The following CSMD3 variants were observed in gnomAD, a reference collection of about 807,000 sequenced individuals.
CSMD3 encodes the protein CUB and sushi domain-containing protein 3.
A neutral mutation model predicts 435.2 loss-of-function variants in CSMD3; 177 were observed. That is an observed-to-expected ratio of 0.41 (90% confidence interval 0.36 to 0.46). The LOEUF (loss-of-function observed/expected upper bound fraction) is 0.46. CSMD3 is among the 20% of genes least tolerant of loss of function. The pLI is 0.34. For synonymous variants in CSMD3, 1,656 were observed against 1,520.5 expected (o/e 1.09, Z -2.07); for missense variants, 4,265 against 4,504.6 (o/e 0.95, Z 1.52).
At chr8:113,258,628 G>A (rs78922673) in intron 3 of CSMD3, among the ~76,000 whole-genome samples, 2,033 of 152,122 alleles carry the variant, frequency 0.013, 54 homozygotes, top group African/African-American at 0.047. Flanking sequence ...GTTTTGGACT[G>A]GGAAGAAAAA....
chr8:113,273,585 G>A (rs1239261201), intron 3 of CSMD3, among the ~76,000 whole-genome samples: 1 of 152,094 alleles, frequency 6.6e-6, no homozygotes, highest in Non-Finnish European at 1.5e-5. Flanking sequence ...ATCAGACTGA[G>A]AAAACATACT....
intron 13 of CSMD3, among the ~76,000 whole-genome samples, chr8:112,702,859 G>A (rs1235858727): frequency 6.6e-6 from 1 of 152,046 alleles, no homozygotes; most frequent in Admixed American, 6.6e-5. Context: ...CCAAGCTGTG[G>A]TTATCATTCC....
In CSMD3 at chr8:113,249,822, T is replaced by C. The variant is rs1421862470; in HGVS notation, c.514+28770A>G. On this transcript the variant is annotated intron_variant, in intron 3 of 70. Coordinates refer to ENST00000297405, the MANE Select transcript of CSMD3 (RefSeq NM_198123.2). Reference sequence around the variant, plus strand: ...TTCCTGAAAAAGAAGAAGTAATCTATGGCAATAGTATTCAAGAAAAAAAAA... The same window carrying C: ...TTCCTGAAAAAGAAGAAGTAATCTACGGCAATAGTATTCAAGAAAAAAAAA... Among the ~76,000 whole-genome samples, 7 of 151,628 alleles carry C rather than the reference T, an allele frequency of 4.6e-5. No individual in the cohort carries two copies. The East Asian group carries it at 1.2e-3, about 25-fold the overall frequency.
intron 13 of CSMD3, among the ~76,000 whole-genome samples, chr8:112,763,127 T>C (rs953617968): frequency 2.6e-5 from 4 of 151,796 alleles, no homozygotes; most frequent in Non-Finnish European, 3.0e-5. Flanking sequence ...ACAATGTACA[T>C]ATATTTCAAA....
chr8:112,934,761 C>G (rs947089180), intron 9 of CSMD3, among the ~76,000 whole-genome samples: 3 of 152,078 alleles, frequency 2.0e-5, no homozygotes, highest in Non-Finnish European at 4.4e-5. Flanking sequence ...ACACTCGGGA[C>G]ACTGTGATGC....
At position 112,300,158 on chromosome 8, in the gene CSMD3, G is replaced by A. The variant is rs1261377835; in HGVS notation, c.8440+1635C>T. On this transcript the variant is annotated intron_variant, in intron 53 of 70. Transcript: ENST00000297405. ...TATATATTTAAATATTTTAAATATT[G>A]TATTTAAATTATATATCATTTAAAT... Among the ~76,000 whole-genome samples the A allele has an allele frequency of 4.8e-5, 7 of 144,672 alleles. No homozygotes were observed. The South Asian group carries it at 1.3e-3, about 27-fold the overall frequency. The allele number at this position is 144,672 out of a possible 152,430, so 94.9% of individuals were successfully genotyped here.
intron 5 of CSMD3, among the ~76,000 whole-genome samples, chr8:113,077,491 T>C (rs1291597377): frequency 1.3e-5 from 2 of 151,924 alleles, no homozygotes; most frequent in Non-Finnish European, 2.9e-5. Context: ...CACCTGAAGT[T>C]AGGAGTTCCA....
chr8:112,308,983 C>T (rs570190490), intron 50 of CSMD3, among the ~76,000 whole-genome samples: 3 of 152,086 alleles, frequency 2.0e-5, no homozygotes, highest in South Asian at 4.1e-4. Context: ...AGGTCATATC[C>T]TGTAAGCATT....
chr8:112,792,943 A>G (rs1237497720), intron 13 of CSMD3, among the ~76,000 whole-genome samples: 1 of 151,828 alleles, frequency 6.6e-6, no homozygotes, highest in Non-Finnish European at 1.5e-5. Flanking sequence ...AACATTTACT[A>G]CACAATATGG....
At chr8:113,245,382 A>C (rs1279707645) in intron 3 of CSMD3, among the ~76,000 whole-genome samples, 1 of 151,928 alleles carries the variant, frequency 6.6e-6, no homozygotes, top group East Asian at 1.9e-4. Flanking sequence ...ATGTCCTATT[A>C]TATCATTTTA....
At position 112,517,047 on chromosome 8, in the gene CSMD3, T is replaced by C. The variant is rs777242156; in HGVS notation, c.4743A>G (p.Pro1581=). 1 of 1,612,944 alleles carries C rather than the reference T, an allele frequency of 6.2e-7. No individual in the cohort carries two copies. Reference sequence around the variant, plus strand: ...TTTAATTCATACCTATACAGACTGGTGGGCTGGGCTGCCAGAAGTACCGAT... The same window carrying C: ...TTTAATTCATACCTATACAGACTGGCGGGCTGGGCTGCCAGAAGTACCGAT... ...VENRYFWQPS[P]PVCIAPCGGN... The change falls in exon 28 of 71, where the codon CCA becomes CCG. Residue 1581 remains proline (P), a synonymous_variant. Transcript: ENST00000297405.
chr8:113,307,079 C>G (rs2093827252), intron 2 of CSMD3, among the ~76,000 whole-genome samples: 1 of 151,350 alleles, frequency 6.6e-6, no homozygotes, highest in African/African-American at 2.4e-5. Context: ...AGAATAATGA[C>G]CAAGAAGGTA....
chr8:112,705,694 G>T (rs1678616836), intron 13 of CSMD3, among the ~76,000 whole-genome samples: 3 of 151,948 alleles, frequency 2.0e-5, no homozygotes, highest in African/African-American at 7.2e-5. Context: ...TATAAGAGCT[G>T]CCAAATAGGT....
At chr8:112,586,179 C>G (rs1254941414) in intron 23 of CSMD3, among the ~76,000 whole-genome samples, 1 of 151,188 alleles carries the variant, frequency 6.6e-6, no homozygotes, top group Non-Finnish European at 1.5e-5. Flanking sequence ...ACATTAAAAT[C>G]AATCATTAAA....
intron 11 of CSMD3, among the ~76,000 whole-genome samples, chr8:112,840,321 C>T (rs746543851): frequency 2.0e-5 from 3 of 151,696 alleles, no homozygotes; most frequent in Non-Finnish European, 4.4e-5. Context: ...TTCCATTTCA[C>T]GAACTCAAGA....
At chr8:112,899,602 T>TATAC (rs1417130948) in intron 10 of CSMD3, among the ~76,000 whole-genome samples, 1 of 14,272 alleles carries the variant, frequency 7.0e-5, no homozygotes, top group Non-Finnish European at 1.2e-4. Flanking sequence ...GTCTATTTTA[T>TATAC]ATATATATAT....
intron 12 of CSMD3, among the ~76,000 whole-genome samples, chr8:112,808,077 G>T (rs2079135339): frequency 2.0e-5 from 3 of 152,102 alleles, no homozygotes; most frequent in African/African-American, 4.8e-5. Flanking sequence ...TTTGTCAGAA[G>T]AATTATTTAC....
intron 4 of CSMD3, among the ~76,000 whole-genome samples, chr8:113,160,779 C>A (rs2092024365): frequency 6.6e-6 from 1 of 152,026 alleles, no homozygotes; most frequent in Admixed American, 6.6e-5. Flanking sequence ...AATAATAAAT[C>A]CGTCTTCCAT....
At chr8:113,166,868 G>A (rs1044329924) in intron 4 of CSMD3, among the ~76,000 whole-genome samples, 1 of 151,968 alleles carries the variant, frequency 6.6e-6, no homozygotes, top group African/African-American at 2.4e-5. Flanking sequence ...TCCTCTTTTG[G>A]TTGTGAACAT....
Sources: allele counts gnomAD v4.1 joint callset (sites outside exome capture counted in the v4.1 genomes callset), GRCh38; gene constraint gnomAD v4.1.1; transcripts MANE v1.5; gene names NCBI Gene and HGNC (gene_info 2026-07-23, HGNC 2026-07-21).